NCAM2: variants seen among roughly 807,000 people sequenced by gnomAD.
The protein encoded by NCAM2 is neural cell adhesion molecule 2.
NCAM2 carries 30 observed loss-of-function variants against 98.1 expected under a neutral mutation model. The observed-to-expected ratio is 0.31, with a 90% CI of 0.23 to 0.41. The LOEUF is 0.41. Ranked by LOEUF, NCAM2 falls within the 10% of genes least tolerant of loss-of-function variation. The probability of loss-of-function intolerance (pLI) is 1.00; values close to 1 mark genes in which losing one functional copy is unlikely to be tolerated. For missense variants in NCAM2, 867 were observed against 1,005.8 expected (o/e 0.86, Z 1.87); for synonymous variants, 368 against 342.4 (o/e 1.07, Z -0.83).
At chr21:21,174,108 C>T (rs182748247) in intron 1 of NCAM2, among the ~76,000 whole-genome samples, 4 of 151,994 alleles carry the variant, frequency 2.6e-5, no homozygotes, top group Admixed American at 6.6e-5. Flanking sequence ...TTAGTAGATA[C>T]GAGGTTTCAC....
chr21:21,161,488 A>T (rs1165358487), intron 1 of NCAM2, among the ~76,000 whole-genome samples: 10 of 151,788 alleles, frequency 6.6e-5, no homozygotes, highest in Admixed American at 6.6e-4. Context: ...ATGATAGCCC[A>T]CTGAAGCTGG....
At chr21:21,369,330 T>C (rs1374670218) in intron 8 of NCAM2, among the ~76,000 whole-genome samples, 1 of 151,908 alleles carries the variant, frequency 6.6e-6, no homozygotes, top group African/African-American at 2.4e-5. Flanking sequence ...CCAAATAATA[T>C]TCCTTTGTAT....
Position 21,280,862 on chromosome 21 carries a change from A to C in NCAM2, c.130+210A>C, listed in dbSNP as rs572363609. On this transcript the variant is annotated intron_variant, in intron 2 of 17. Transcript: ENST00000400546. ...GGTAGTGTGATCTCGGCTCACTGCA[A>C]TCTCCCCCTCCTGGGTTCAAGCCGT... 4.0e-5 allele frequency among the ~76,000 whole-genome samples: 6 copies of C among 149,194 alleles called. No individual in the cohort carries two copies. In the East Asian group the frequency reaches 1.2e-3, roughly 30 times the overall value.
At chr21:21,524,565 A>T (rs1027690611) in intron 16 of NCAM2, among the ~76,000 whole-genome samples, 1 of 152,018 alleles carries the variant, frequency 6.6e-6, no homozygotes, top group Non-Finnish European at 1.5e-5. Context: ...GAATACAAAG[A>T]TAAAAAGAAA....
intron 17 of NCAM2, among the ~76,000 whole-genome samples, chr21:21,536,934 A>G (rs992368698): frequency 2.6e-5 from 4 of 152,166 alleles, no homozygotes; most frequent in African/African-American, 9.7e-5. Context: ...CGTGTTGCAA[A>G]GTGACATAAA....
At chr21:21,336,977 G>T (rs562021241) in intron 7 of NCAM2, among the ~76,000 whole-genome samples, 1 of 152,206 alleles carries the variant, frequency 6.6e-6, no homozygotes, top group East Asian at 1.9e-4. Flanking sequence ...GGAGAAGATT[G>T]TTCACTTACA....
At chr21:21,135,949 T>G (rs2067041313) in intron 1 of NCAM2, among the ~76,000 whole-genome samples, 1 of 152,164 alleles carries the variant, frequency 6.6e-6, no homozygotes, top group Non-Finnish European at 1.5e-5. Flanking sequence ...TAAAAAAAAT[T>G]GTTATGACAT....
At chr21:21,450,290 G>A (rs980471797) in intron 12 of NCAM2, among the ~76,000 whole-genome samples, 13 of 150,986 alleles carry the variant, frequency 8.6e-5, no homozygotes, top group South Asian at 8.3e-4. Flanking sequence ...TAATATATGC[G>A]TGTGTGTGTG....
At chr21:21,526,121 A>G (rs1989308550) in intron 16 of NCAM2, among the ~76,000 whole-genome samples, 2 of 152,054 alleles carry the variant, frequency 1.3e-5, no homozygotes, top group South Asian at 4.1e-4. Flanking sequence ...TACTGGAAGA[A>G]CTAGCGAAAG....
intron 1 of NCAM2, among the ~76,000 whole-genome samples, chr21:21,097,862 T>C (rs1364852224): frequency 1.7e-5 from 1 of 58,796 alleles, no homozygotes; most frequent in Non-Finnish European, 4.9e-5. Context: ...AAACGTTCTG[T>C]GGTTGGTTTA....
intron 1 of NCAM2, among the ~76,000 whole-genome samples, chr21:21,200,037 G>A (rs80337719): frequency 0.017 from 2,608 of 152,038 alleles, 51 homozygotes; most frequent in Admixed American, 0.038. Context: ...CGAATTGTCA[G>A]GGATTCCAAG....
intron 9 of NCAM2, among the ~76,000 whole-genome samples, chr21:21,393,474 T>G (rs1314710818): frequency 1.3e-5 from 2 of 152,198 alleles, no homozygotes; most frequent in African/African-American, 4.8e-5. Flanking sequence ...ACCAAAATTT[T>G]TTCTTATGAC....
intron 1 of NCAM2, among the ~76,000 whole-genome samples, chr21:21,225,341 C>T (rs560527700): frequency 6.3e-4 from 96 of 152,106 alleles, no homozygotes; most frequent in African/African-American, 2.2e-3. Flanking sequence ...GTGCAGCAAA[C>T]CACCATGGCA....
intron 4 of NCAM2, among the ~76,000 whole-genome samples, chr21:21,288,380 T>A (rs765254650): frequency 1.3e-5 from 2 of 151,834 alleles, no homozygotes; most frequent in Non-Finnish European, 2.9e-5. Context: ...TCTCTATGAG[T>A]TTTTAAATCT....
rs1333298412 is a variant in NCAM2, at chr21:21,335,637, T to A, written c.870T>A (p.Asp290Glu). 3 of 1,607,954 alleles carry A rather than the reference T, an allele frequency of 1.9e-6. No individual in the cohort carries two copies. The change falls in exon 7 of 18, where the codon GAT becomes GAA. Residue 290 changes from aspartate (D) to glutamate (E), a missense_variant. This residue lies in a region of NCAM2 where 447 missense variants were observed against 495.7 expected (regional missense o/e 0.90). Transcript: ENST00000400546. ...GGGCCACAAATAAGGCAGGAGAAGA[T>A]GAAAAGCAAGCTTTCCTCCAAGTCT... ...VCRATNKAGE[D>E]EKQAFLQVFV...
rs187282573 is a variant in NCAM2, at chr21:21,354,587, C to T, written c.1044+16053C>T. On this transcript the variant is annotated intron_variant, in intron 8 of 17. Coordinates refer to ENST00000400546, the MANE Select transcript of NCAM2 (RefSeq NM_004540.5). ...CCCTCCCCCAGTGGTTCACAGATCACATTTTTAGAAATTCTGCTTTTGTGT... is the reference window on the plus strand; with the variant it reads ...CCCTCCCCCAGTGGTTCACAGATCATATTTTTAGAAATTCTGCTTTTGTGT... 7.9e-4 allele frequency among the ~76,000 whole-genome samples: 120 copies of T among 152,314 alleles called. 1 individual carries two copies. Among genetic ancestry groups the T allele is most frequent in the Admixed American group, 1.8e-3 (28 of 15,290 alleles).
intron 1 of NCAM2, among the ~76,000 whole-genome samples, chr21:21,268,018 T>C (rs1193795017): frequency 6.6e-6 from 1 of 152,140 alleles, no homozygotes; most frequent in Non-Finnish European, 1.5e-5. Flanking sequence ...ATGCTCATAT[T>C]CTGCTCATTG....
At chr21:21,071,652 C>T (rs8130878) in intron 1 of NCAM2, among the ~76,000 whole-genome samples, 5,646 of 152,018 alleles carry the variant, frequency 0.037, 327 homozygotes, top group African/African-American at 0.13. Context: ...TTATGCCATC[C>T]GTCATAATAT....
intron 16 of NCAM2, among the ~76,000 whole-genome samples, chr21:21,523,725 AG>A (rs1458871681): frequency 6.6e-6 from 1 of 152,074 alleles, no homozygotes; most frequent in Non-Finnish European, 1.5e-5. Flanking sequence ...GACTTCATTC[AG>A]TTCATTGTAA....
Sources: gnomAD v4.1 joint callset for allele counts (sites outside exome capture counted in the v4.1 genomes callset) on GRCh38, gnomAD v4.1.1 for gene constraint, gnomAD v4.1.1 regional missense constraint, MANE v1.5 for transcripts, NCBI Gene and HGNC (gene_info 2026-07-23, HGNC 2026-07-21) for gene names.